Variants in NME7 observed in about 807,000 individuals in gnomAD.
The protein encoded by NME7 is NME/NM23 family member 7, also known as nucleoside diphosphate kinase 7.
A neutral mutation model predicts 49.1 loss-of-function variants in NME7; 41 were observed. The ratio of observed to expected loss-of-function variants is 0.83; its 90% CI spans 0.65 to 1.08. The LOEUF (loss-of-function observed/expected upper bound fraction) is 1.08, where lower values mean the gene tolerates loss of function less well. Among genes scored for constraint, NME7 ranks in the 50% least tolerant of loss-of-function variants. The pLI, the probability that NME7 is intolerant of heterozygous loss-of-function variation, is 0.00. For synonymous variants in NME7, 139 were observed against 150.6 expected, an observed-to-expected ratio of 0.92 and a Z score of 0.56; for missense variants, 423 against 463.4, an observed-to-expected ratio of 0.91 and a Z score of 0.80.
chr1:169,337,076 C>T (rs1652507073), intron 1 of NME7, among the ~76,000 whole-genome samples: 1 of 152,248 alleles, frequency 6.6e-6, no homozygotes, highest in Non-Finnish European at 1.5e-5. Context: ...CGTGTGCCCG[C>T]ACTCCTCAGC....
At chr1:169,233,185 A>G (rs1484593681) in intron 9 of NME7, among the ~76,000 whole-genome samples, 1 of 152,050 alleles carries the variant, frequency 6.6e-6, no homozygotes, top group Non-Finnish European at 1.5e-5. Flanking sequence ...TGAGAACAAC[A>G]GCACACAGAA....
chr1:169,169,694 C>T, intron 10 of NME7, 140 bp from the exon 11 acceptor site: 1 of 652,030 alleles, frequency 1.5e-6, no homozygotes, highest in Non-Finnish European at 2.6e-6. Flanking sequence ...TTCTGTGGCC[C>T]AATGTAAAGT....
At chr1:169,233,749 T>C (rs1557999784) in intron 9 of NME7, among the ~76,000 whole-genome samples, 1 of 152,190 alleles carries the variant, frequency 6.6e-6, no homozygotes. Flanking sequence ...GATAATTATA[T>C]TGAGTCTGAT....
intron 7 of NME7, among the ~76,000 whole-genome samples, chr1:169,244,883 C>T (rs1648244445): frequency 6.6e-6 from 1 of 152,112 alleles, no homozygotes; most frequent in Non-Finnish European, 1.5e-5. Flanking sequence ...AATCCTAGCA[C>T]TTTGGGAGGA....
At chr1:169,350,266 G>GAAGGAAGGAAGA (rs1653113915) in intron 1 of NME7, among the ~76,000 whole-genome samples, 1 of 150,790 alleles carries the variant, frequency 6.6e-6, no homozygotes. Context: ...AGGAAGGAAG[G>GAAGGAAGGAAGA]AAGGAAGGAA....
At chr1:169,335,722 TAAA>T (rs1392259615) in intron 1 of NME7, among the ~76,000 whole-genome samples, 2 of 143,694 alleles carry the variant, frequency 1.4e-5, no homozygotes, top group African/African-American at 5.4e-5. Flanking sequence ...ATATATTAAA[TAAA>T]TAATATATAT....
chr1:169,299,354 A>T (rs1281443094), intron 5 of NME7, among the ~76,000 whole-genome samples: 1 of 152,128 alleles, frequency 6.6e-6, no homozygotes, highest in African/African-American at 2.4e-5. Flanking sequence ...GTATTAAATT[A>T]TTAAAGTGTA....
intron 10 of NME7, among the ~76,000 whole-genome samples, chr1:169,225,028 A>T (rs945553547): frequency 6.6e-6 from 1 of 152,216 alleles, no homozygotes; most frequent in Non-Finnish European, 1.5e-5. Flanking sequence ...CAATAAGACA[A>T]TAAGAGAAGG....
intron 10 of NME7, among the ~76,000 whole-genome samples, chr1:169,211,608 T>C (rs1660821796): frequency 6.6e-6 from 1 of 152,174 alleles, no homozygotes; most frequent in South Asian, 2.1e-4. Context: ...GGTAATATTG[T>C]GATAGGATCA....
At chr1:169,322,008 A>C (rs1203580566) in intron 3 of NME7, among the ~76,000 whole-genome samples, 2 of 152,212 alleles carry the variant, frequency 1.3e-5, no homozygotes. Context: ...ATGACAAAGG[A>C]ATTAAAATTT....
At chr1:169,290,753 T>C (rs533065115) in intron 6 of NME7, among the ~76,000 whole-genome samples, 1 of 152,160 alleles carries the variant, frequency 6.6e-6, no homozygotes, top group African/African-American at 2.4e-5. Flanking sequence ...GAGAAAATTT[T>C]TGCAATCTGT....
chr1:169,260,366 C>G (rs552358995), intron 7 of NME7, among the ~76,000 whole-genome samples: 1 of 133,286 alleles, frequency 7.5e-6, no homozygotes, highest in Non-Finnish European at 1.8e-5. Context: ...GAAATCGTCC[C>G]TCTTTCTTCC....
chr1:169,363,922 T>C lies in NME7; in HGVS notation c.3+3786A>G, dbSNP rs17349586. Among the ~76,000 whole-genome samples, 1,484 of 152,332 alleles carry C rather than the reference T, an allele frequency of 9.7e-3. 7 individuals are homozygous for C. The highest frequency in any genetic ancestry group is 0.017 in the Admixed American group (258 of 15,300). On this transcript the variant is annotated intron_variant, in intron 1 of 11. Coordinates refer to ENST00000367811, the MANE Select transcript of NME7 (RefSeq NM_013330.5). ...TCCTGGGAAGTTTGATAACATAATGTAAGACAGGCAAAAACCAAAAACAGT... is the reference window on the plus strand; with the variant it reads ...TCCTGGGAAGTTTGATAACATAATGCAAGACAGGCAAAAACCAAAAACAGT...
chr1:169,185,542 CT>C (rs1275903795), intron 10 of NME7, among the ~76,000 whole-genome samples: 2 of 152,138 alleles, frequency 1.3e-5, no homozygotes, highest in Non-Finnish European at 2.9e-5. Flanking sequence ...TTTCCCTTAG[CT>C]TGTTTTTCCT....
Position 169,303,146 on chromosome 1 carries a change from T to G in NME7, c.439A>C (p.Asn147His). Reference sequence around the variant, plus strand: ...CTAATCCCCAAATTAAGGACCTACTTGAAAAAGGGTCTTGACTGGTGATCT... The same window carrying G: ...CTAATCCCCAAATTAAGGACCTACTGGAAAAAGGGTCTTGACTGGTGATCT... ...HVDHQSRPFFNELIQFITTGP... is the reference protein window; with the variant it reads ...HVDHQSRPFFHELIQFITTGP... Residue 147 changes from asparagine to histidine, a missense_variant and splice_region_variant, in exon 5 of 12, where the codon AAT becomes CAT. Transcript: ENST00000367811. 1 of 1,568,488 alleles carries G rather than the reference T, an allele frequency of 6.4e-7. No homozygotes were observed. The highest frequency in any genetic ancestry group is 8.7e-7 in the Non-Finnish European group (1 of 1,151,508).
intron 10 of NME7, among the ~76,000 whole-genome samples, chr1:169,172,484 C>CATATGG (rs1001257392): frequency 6.6e-6 from 1 of 152,076 alleles, no homozygotes; most frequent in Non-Finnish European, 1.5e-5. Flanking sequence ...ATGATGGGCA[C>CATATGG]ATATGGTCTT....
At chr1:169,342,898 GTACATATATATAGTGTA>G (rs1652809395) in intron 1 of NME7, among the ~76,000 whole-genome samples, 2 of 85,922 alleles carry the variant, frequency 2.3e-5, no homozygotes, top group African/African-American at 8.4e-5. Context: ...ATATATACAA[GTACATATATATAGTGTA>G]TATATATATA....
intron 6 of NME7, among the ~76,000 whole-genome samples, chr1:169,296,976 CT>C (rs71557660): frequency 0.07 from 10,444 of 149,096 alleles, 1,450 homozygotes; most frequent in East Asian, 0.66. Flanking sequence ...TATAGTCATT[CT>C]TTTTTTTTTC....
At chr1:169,180,808 C>G (rs1011365718) in intron 10 of NME7, among the ~76,000 whole-genome samples, 7 of 152,078 alleles carry the variant, frequency 4.6e-5, no homozygotes, top group African/African-American at 7.2e-5. Context: ...TTTTTACATT[C>G]TTAATTTATG....
Sources: allele counts gnomAD v4.1 joint callset (sites outside exome capture counted in the v4.1 genomes callset), GRCh38; gene constraint gnomAD v4.1.1; transcripts MANE v1.5; gene names NCBI Gene and HGNC (gene_info 2026-07-23, HGNC 2026-07-21).